Variants in MTAP observed in about 807,000 individuals in gnomAD.
MTAP encodes methylthioadenosine phosphorylase, also known as S-methyl-5'-thioadenosine phosphorylase.
In MTAP, 33 loss-of-function variants were observed where a neutral mutation model predicts 33.6. The observed-to-expected ratio is 0.98, with a 90% CI of 0.74 to 1.31. MTAP has a LOEUF of 1.31. Among genes scored for constraint, MTAP ranks in the 40% most tolerant of loss-of-function variants. The probability of loss-of-function intolerance (pLI) is 0.00; values close to 1 mark genes in which losing one functional copy is unlikely to be tolerated. For missense variants in MTAP, 367 were observed against 360.0 expected (o/e 1.02, Z -0.16); for synonymous variants, 148 against 125.7 (o/e 1.18, Z -1.19).
chr9:21,915,014 T>C (rs144810250), intron 1 of MTAP, among the ~76,000 whole-genome samples: 25 of 92,426 alleles, frequency 2.7e-4, no homozygotes, highest in African/African-American at 1.4e-3. Flanking sequence ...CTTCCTTCCT[T>C]CCTTCCTTCC....
At chr9:21,895,669 G>T (rs1036217211) in intron 1 of MTAP, among the ~76,000 whole-genome samples, 6 of 152,222 alleles carry the variant, frequency 3.9e-5, no homozygotes, top group African/African-American at 1.4e-4. Context: ...TATATCCCAT[G>T]CCTAGCTCAG....
intron 1 of MTAP, among the ~76,000 whole-genome samples, chr9:21,899,462 A>T (rs1332698363): frequency 6.6e-6 from 1 of 151,974 alleles, no homozygotes; most frequent in East Asian, 1.9e-4. Context: ...AGGAAGGAAA[A>T]GAAAGAACTG....
intron 4 of MTAP, among the ~76,000 whole-genome samples, chr9:21,824,795 C>A (rs898222355): frequency 6.6e-6 from 1 of 152,216 alleles, no homozygotes; most frequent in African/African-American, 2.4e-5. Context: ...CAAGCCTCAG[C>A]AGTGGTGGGC....
intron 4 of MTAP, among the ~76,000 whole-genome samples, chr9:21,823,778 T>G (rs1198405157): frequency 3.3e-5 from 5 of 152,236 alleles, no homozygotes; most frequent in African/African-American, 1.2e-4. Context: ...TCTTTTCACA[T>G]AGTCCCATAT....
At chr9:21,811,147 C>A (rs1181863725) in intron 1 of MTAP, among the ~76,000 whole-genome samples, 1 of 152,228 alleles carries the variant, frequency 6.6e-6, no homozygotes, top group African/African-American at 2.4e-5. Flanking sequence ...ATCTCCCTGG[C>A]ATGAGCTAGT....
intron 1 of MTAP, among the ~76,000 whole-genome samples, chr9:21,926,629 T>C (rs896717755): frequency 6.6e-6 from 1 of 152,172 alleles, no homozygotes; most frequent in Non-Finnish European, 1.5e-5. Flanking sequence ...ATGGTTCCAA[T>C]TTGTTTGGGC....
intron 1 of MTAP, among the ~76,000 whole-genome samples, chr9:21,810,534 G>A (rs1587196283): frequency 6.6e-6 from 1 of 152,070 alleles, no homozygotes; most frequent in African/African-American, 2.4e-5. Flanking sequence ...CCCTTAATTG[G>A]GGTGGATTAT....
chr9:21,874,148 A>C (rs1267795004), intron 1 of MTAP, among the ~76,000 whole-genome samples: 1 of 152,174 alleles, frequency 6.6e-6, no homozygotes, highest in Non-Finnish European at 1.5e-5. Context: ...TCAACTTCAA[A>C]TATATACAGA....
intron 1 of MTAP, among the ~76,000 whole-genome samples, chr9:21,914,822 C>T (rs1485521549): frequency 6.7e-6 from 1 of 148,666 alleles, no homozygotes; most frequent in Non-Finnish European, 1.5e-5. Flanking sequence ...CCCTGGGAAT[C>T]ATATAGATAA....
chr9:21,924,738 C>T (rs1478564337), intron 1 of MTAP, among the ~76,000 whole-genome samples: 2 of 152,244 alleles, frequency 1.3e-5, no homozygotes, highest in African/African-American at 4.8e-5. Flanking sequence ...CCCTTCCCTA[C>T]CCAGGGCCAT....
At chr9:21,860,398 C>G (rs941802003) in intron 7 of MTAP, 1 of 152,190 alleles carries the variant, frequency 6.6e-6, no homozygotes, top group African/African-American at 2.4e-5. Context: ...CAGCACACCA[C>G]TGTAACTAAG....
At chr9:21,884,590 T>C (rs985977331) in intron 1 of MTAP, among the ~76,000 whole-genome samples, 1 of 152,196 alleles carries the variant, frequency 6.6e-6, no homozygotes, top group African/African-American at 2.4e-5. Flanking sequence ...TTGGCAGATG[T>C]GGTATGTAGT....
intron 4 of MTAP, among the ~76,000 whole-genome samples, chr9:21,837,227 A>C (rs1050224120): frequency 2.6e-5 from 4 of 152,208 alleles, no homozygotes; most frequent in Non-Finnish European, 4.4e-5. Context: ...GCAGCGAACA[A>C]AGATTCCTAA....
At chr9:21,923,426 G>A (rs1000762761) in intron 1 of MTAP, among the ~76,000 whole-genome samples, 1 of 152,008 alleles carries the variant, frequency 6.6e-6, no homozygotes, top group African/African-American at 2.4e-5. Context: ...GCCATTTGTG[G>A]GCTCTTATCC....
In MTAP at chr9:21,862,092, AT is replaced by A; in HGVS notation, c.*79del. The A allele has an allele frequency of 1.9e-6, 3 of 1,608,718 alleles. No homozygotes were observed. Among genetic ancestry groups the A allele is most frequent in the Non-Finnish European group, 2.5e-6 (3 of 1,178,334 alleles). On this transcript the variant is annotated 3_prime_UTR_variant, in exon 8 of 8. Coordinates refer to ENST00000644715, the MANE Select transcript of MTAP (RefSeq NM_002451.4). ...GGAATTCCTGCTTAACTTGAAAAAA[AT>A]ATGGGAAAGACATGCAGCTTTCATG...
chr9:21,939,160 G>C (rs1399787562), downstream of MTAP, among the ~76,000 whole-genome samples: 1 of 152,120 alleles, frequency 6.6e-6, no homozygotes, highest in Non-Finnish European at 1.5e-5. Context: ...TCACCATCAG[G>C]TAAGAAGTGC....
intron 1 of MTAP, among the ~76,000 whole-genome samples, chr9:21,879,672 G>T (rs1587270698): frequency 6.6e-6 from 1 of 152,050 alleles, no homozygotes; most frequent in Non-Finnish European, 1.5e-5. Context: ...TTTTGTAATG[G>T]TCTTTCTTTT....
At chr9:21,837,642 T>A (rs181214400) in intron 4 of MTAP, among the ~76,000 whole-genome samples, 3 of 152,302 alleles carry the variant, frequency 2.0e-5, no homozygotes, top group Non-Finnish European at 4.4e-5. Context: ...GCACCTGCAA[T>A]CCAAAGTGGT....
At chr9:21,938,277 A>G (rs529058052), downstream of MTAP, among the ~76,000 whole-genome samples, 13 of 151,532 alleles carry the variant, frequency 8.6e-5, no homozygotes, top group Non-Finnish European at 1.6e-4. Context: ...CCTTCTCAAA[A>G]AAAAAAAAAA....
Sources: gnomAD v4.1 joint callset for allele counts (sites outside exome capture counted in the v4.1 genomes callset) on GRCh38, gnomAD v4.1.1 for gene constraint, MANE v1.5 for transcripts, NCBI Gene and HGNC (gene_info 2026-07-23, HGNC 2026-07-21) for gene names.